Variants in KCTD8 observed in about 807,000 individuals in gnomAD.
The protein encoded by KCTD8 is potassium channel tetramerization domain containing 8.
In KCTD8, 27 loss-of-function variants were observed where a neutral mutation model predicts 31.5. The ratio of observed to expected loss-of-function variants is 0.86; its 90% CI spans 0.63 to 1.18. The LOEUF (loss-of-function observed/expected upper bound fraction) is 1.18. Among genes scored for constraint, KCTD8 ranks in the 50% most tolerant of loss-of-function variants. KCTD8 has a pLI of 0.00. For synonymous variants in KCTD8, 290 were observed against 280.0 expected, an observed-to-expected ratio of 1.04 and a Z score of -0.36; for missense variants, 658 against 647.7, an observed-to-expected ratio of 1.02 and a Z score of -0.17.
At chr4:44,330,947 GAC>G (rs1347271377) in intron 1 of KCTD8, among the ~76,000 whole-genome samples, 1 of 151,668 alleles carries the variant, frequency 6.6e-6, no homozygotes, top group Non-Finnish European at 1.5e-5. Flanking sequence ...ACCACATTGT[GAC>G]ACTTCCTCTT....
At chr4:44,410,957 T>C (rs1231199275) in intron 1 of KCTD8, among the ~76,000 whole-genome samples, 1 of 152,092 alleles carries the variant, frequency 6.6e-6, no homozygotes, top group Non-Finnish European at 1.5e-5. Flanking sequence ...TAATAAAATG[T>C]CTCCAATATC....
chr4:44,447,555 G>C lies in KCTD8; in HGVS notation c.961+8C>G. ...GGGTGCTGGGAAACGCCGGGGCTGC[G>C]AACTTACGGAAGAAAATGTACTCGG... is the stretch of plus-strand genomic sequence containing the variant. On this transcript the variant is annotated splice_region_variant and intron_variant, in intron 1 of 1. Transcript: ENST00000360029. 1 of 1,542,152 alleles carries C rather than the reference G, an allele frequency of 6.5e-7. No homozygotes were observed. Among genetic ancestry groups the C allele is most frequent in the Non-Finnish European group, 8.8e-7 (1 of 1,138,872 alleles).
In KCTD8 at chr4:44,281,286, T is replaced by G. The variant is rs1056471984; in HGVS notation, c.962-106036A>C. Among the ~76,000 whole-genome samples the G allele has an allele frequency of 2.6e-5, 4 of 152,258 alleles. No homozygotes were observed. In the East Asian group the frequency reaches 7.7e-4, roughly 29 times the overall value. On this transcript the variant is annotated intron_variant, in intron 1 of 1. Coordinates refer to ENST00000360029, the MANE Select transcript of KCTD8 (RefSeq NM_198353.3). ...CTGGTTGTTGAGTCTCATTTACTGA[T>G]TGCAAAAGAGTAAAATTTATGGATC...
At chr4:44,214,586 C>T (rs1285355312) in intron 1 of KCTD8, among the ~76,000 whole-genome samples, 2 of 151,926 alleles carry the variant, frequency 1.3e-5, no homozygotes, top group South Asian at 2.1e-4. Flanking sequence ...AAAATGAAAC[C>T]GCCTTTGCAA....
At chr4:44,235,557 A>ATATG (rs1715258499) in intron 1 of KCTD8, among the ~76,000 whole-genome samples, 1 of 69,446 alleles carries the variant, frequency 1.4e-5, no homozygotes, top group African/African-American at 7.4e-5. Context: ...ATATATATAT[A>ATATG]TATATATATA....
At chr4:44,413,247 G>C (rs1721000406) in intron 1 of KCTD8, among the ~76,000 whole-genome samples, 1 of 152,070 alleles carries the variant, frequency 6.6e-6, no homozygotes, top group Non-Finnish European at 1.5e-5. Context: ...TCTAAATGAG[G>C]AAACAGATGA....
chr4:44,214,758 C>T (rs916305950), intron 1 of KCTD8, among the ~76,000 whole-genome samples: 10 of 152,126 alleles, frequency 6.6e-5, no homozygotes, highest in Non-Finnish European at 1.3e-4. Flanking sequence ...GGTAACAGTC[C>T]TTTCCCAAAA....
intron 1 of KCTD8, among the ~76,000 whole-genome samples, chr4:44,446,768 C>T (rs1179708775): frequency 6.6e-6 from 1 of 152,106 alleles, no homozygotes; most frequent in Non-Finnish European, 1.5e-5. Flanking sequence ...TCTTTCTCTT[C>T]CCCTCCCTCC....
At chr4:44,266,095 A>G (rs1177360709) in intron 1 of KCTD8, among the ~76,000 whole-genome samples, 1 of 152,156 alleles carries the variant, frequency 6.6e-6, no homozygotes, top group Non-Finnish European at 1.5e-5. Flanking sequence ...TAATTGTCAG[A>G]TTCACCAAAG....
intron 1 of KCTD8, among the ~76,000 whole-genome samples, chr4:44,446,193 C>G (rs1276833994): frequency 1.3e-5 from 2 of 152,176 alleles, no homozygotes; most frequent in African/African-American, 4.8e-5. Context: ...CTAAGCCAAC[C>G]TTCCAGTTAA....
intron 1 of KCTD8, among the ~76,000 whole-genome samples, chr4:44,275,737 C>T (rs554684578): frequency 3.9e-5 from 6 of 152,046 alleles, no homozygotes; most frequent in East Asian, 1.9e-4. Context: ...GGAAGTGGCA[C>T]GCTGTTACAT....
intron 1 of KCTD8, among the ~76,000 whole-genome samples, chr4:44,250,192 G>A (rs1384588095): frequency 1.3e-5 from 2 of 151,708 alleles, no homozygotes; most frequent in African/African-American, 2.4e-5. Context: ...TATAGTATGT[G>A]TATCTCCAAT....
chr4:44,281,200 T>G (rs1397950360), intron 1 of KCTD8, among the ~76,000 whole-genome samples: 1 of 152,066 alleles, frequency 6.6e-6, no homozygotes, highest in Non-Finnish European at 1.5e-5. Context: ...ACTCTGTCAC[T>G]TGTAAAATAA....
At chr4:44,288,702 T>C (rs1577595218) in intron 1 of KCTD8, among the ~76,000 whole-genome samples, 1 of 152,152 alleles carries the variant, frequency 6.6e-6, no homozygotes, top group Non-Finnish European at 1.5e-5. Flanking sequence ...TTCTTCTATC[T>C]CAGATATACA....
intron 1 of KCTD8, among the ~76,000 whole-genome samples, chr4:44,184,430 CAAAAG>C (rs375779677): frequency 7.6e-4 from 116 of 151,858 alleles, no homozygotes; most frequent in African/African-American, 1.9e-3. Context: ...AAGAGTATAA[CAAAAG>C]AAAAGAAAAG....
At chr4:44,328,608 C>T (rs1177594617) in intron 1 of KCTD8, among the ~76,000 whole-genome samples, 1 of 151,898 alleles carries the variant, frequency 6.6e-6, no homozygotes, top group Non-Finnish European at 1.5e-5. Context: ...ATTAGAAACA[C>T]AAAACTATTA....
chr4:44,340,361 C>T (rs891491819), intron 1 of KCTD8, among the ~76,000 whole-genome samples: 1 of 151,120 alleles, frequency 6.6e-6, no homozygotes. Flanking sequence ...TGCAGTGGAG[C>T]GATCTTGGCT....
At chr4:44,330,374 C>G (rs1211644125) in intron 1 of KCTD8, among the ~76,000 whole-genome samples, 1 of 151,778 alleles carries the variant, frequency 6.6e-6, no homozygotes, top group Non-Finnish European at 1.5e-5. Flanking sequence ...TTCTGCTGAG[C>G]CCAAATTTCT....
At chr4:44,324,072 A>C (rs1415558316) in intron 1 of KCTD8, among the ~76,000 whole-genome samples, 2 of 150,186 alleles carry the variant, frequency 1.3e-5, no homozygotes, top group African/African-American at 2.5e-5. Flanking sequence ...ACAAAACAAA[A>C]CAAAAAAAAA....
Sources: gnomAD v4.1 joint callset for allele counts (sites outside exome capture counted in the v4.1 genomes callset) on GRCh38, gnomAD v4.1.1 for gene constraint, MANE v1.5 for transcripts, NCBI Gene and HGNC (gene_info 2026-07-23, HGNC 2026-07-21) for gene names.